Variants in GRIP2 observed in about 807,000 individuals in gnomAD.
The protein encoded by GRIP2 is glutamate receptor-interacting protein 2.
GRIP2 carries 58 observed loss-of-function variants against 108.3 expected under a neutral mutation model. The observed-to-expected ratio is 0.54, with a 90% CI of 0.43 to 0.67. GRIP2 has a LOEUF of 0.67. GRIP2 is among the 30% of genes least tolerant of loss of function. The pLI, the probability that GRIP2 is intolerant of heterozygous loss-of-function variation, is 0.00. For synonymous variants in GRIP2, 586 were observed against 598.2 expected (o/e 0.98, Z 0.30); for missense variants, 1,278 against 1,430.6 (o/e 0.89, Z 1.72).
At chr3:14,533,052 C>G (rs191816725) in intron 1 of GRIP2, among the ~76,000 whole-genome samples, 1 of 152,254 alleles carries the variant, frequency 6.6e-6, no homozygotes, top group Admixed American at 6.5e-5. Context: ...ATTTCCAGGT[C>G]CCCTGGGGTT....
At chr3:14,495,186 G>C (rs1693555007) in intron 22 of GRIP2, among the ~76,000 whole-genome samples, 197 bp from the exon 23 acceptor site, 1 of 149,752 alleles carries the variant, frequency 6.7e-6, no homozygotes, top group South Asian at 2.1e-4. Flanking sequence ...CTCAGCAGAT[G>C]CTCCAGGCCA....
At chr3:14,543,965 C>T (rs1049764861), upstream of GRIP2, among the ~76,000 whole-genome samples, 12 of 152,218 alleles carry the variant, frequency 7.9e-5, no homozygotes, top group Admixed American at 3.9e-4. Flanking sequence ...GGGAAGACCA[C>T]GTATTAATGA....
At position 14,517,875 on chromosome 3, in the gene GRIP2, C is replaced by T; in HGVS notation, c.1053G>A (p.Gln351=). The T allele has an allele frequency of 6.3e-7, 1 of 1,587,270 alleles. No homozygotes were observed. The highest frequency in any genetic ancestry group is 1.8e-5 in the Admixed American group (1 of 56,300). ...SEAVKVQRSE[Q]LHRWDPCVPS... Reference sequence around the variant, plus strand: ...GCACGCAGGGGTCCCAGCGGTGCAGCTGCTCACTCCTCTGCACTTTCACTG... The same window carrying T: ...GCACGCAGGGGTCCCAGCGGTGCAGTTGCTCACTCCTCTGCACTTTCACTG... The change falls in exon 10 of 24, where the codon CAG becomes CAA. Residue 351 remains glutamine, a synonymous_variant. Coordinates refer to ENST00000621039, the MANE Select transcript of GRIP2 (RefSeq NM_001080423.4).
intron 1 of GRIP2, among the ~76,000 whole-genome samples, chr3:14,532,166 C>CCCAG (rs1345796414): frequency 6.6e-6 from 1 of 152,208 alleles, no homozygotes; most frequent in African/African-American, 2.4e-5. Context: ...TGAGACCTGA[C>CCCAG]CCAGCGGCCC....
Position 14,512,648 on chromosome 3 carries a change from C to T in GRIP2, c.1720+129G>A, listed in dbSNP as rs1027315887. ...GTCCACGGAAGCCAGCCTCCCCACA[C>T]CCCCAAGCCTTTTCCTCGGGCCCCG... is the stretch of plus-strand genomic sequence containing the variant. On this transcript the variant is annotated intron_variant, in intron 14 of 23. Transcript: ENST00000621039. This position sits in a 1 kb window ranked among gnomAD's most constrained non-coding sequence, Gnocchi z 5.1. 1.2e-6 allele frequency: 1 copy of T among 827,914 alleles called. No individual in the cohort carries two copies. The highest frequency in any genetic ancestry group is 1.9e-6 in the Non-Finnish European group (1 of 521,068). 51.3% of individuals were successfully genotyped at this position (827,914 alleles called of 1,614,324 possible).
At chr3:14,500,696 C>T (rs1441954497) in intron 21 of GRIP2, among the ~76,000 whole-genome samples, 1 of 152,108 alleles carries the variant, frequency 6.6e-6, no homozygotes, top group Non-Finnish European at 1.5e-5. Flanking sequence ...AAGACATTTT[C>T]AGAACACAGA....
At chr3:14,560,040 G>A (rs1457040926), upstream of GRIP2, among the ~76,000 whole-genome samples, 1 of 152,048 alleles carries the variant, frequency 6.6e-6, no homozygotes, top group Non-Finnish European at 1.5e-5. Context: ...ATCACTTCAG[G>A]CCAGGAGTTC....
At chr3:14,502,761 A>G (rs1693802398) in intron 21 of GRIP2, among the ~76,000 whole-genome samples, 1 of 151,962 alleles carries the variant, frequency 6.6e-6, no homozygotes, top group African/African-American at 2.4e-5. Context: ...TGACTTAAGC[A>G]TAAATAAAGT....
At chr3:14,503,940 G>T (rs1290295072) in intron 20 of GRIP2, 2 of 489,106 alleles carry the variant, frequency 4.1e-6, no homozygotes, top group African/African-American at 3.9e-5. Flanking sequence ...GTGGAGAGCG[G>T]TGACACAGGA....
rs1290819132 is a variant in GRIP2 at position 14,517,809 on chromosome 3, G to A, written c.1119C>T (p.Pro373=). The A allele has an allele frequency of 8.1e-6, 13 of 1,608,108 alleles. No homozygotes were observed. The highest frequency in any genetic ancestry group is 1.1e-5 in the Non-Finnish European group (13 of 1,177,734). Residue 373 remains proline (P), a synonymous_variant, in exon 10 of 24, where the codon CCC becomes CCT. Transcript: ENST00000621039. Reference sequence around the variant, plus strand: ...CCTGGCCAGCAGGTGTGGCCCAGGTGGGCATCCTGCAGTGGCCGGGCCGGG... The same window carrying A: ...CCTGGCCAGCAGGTGTGGCCCAGGTAGGCATCCTGCAGTGGCCGGGCCGGG... ...HSPRPGHCRM[P]TWATPAGQDQ...
chr3:14,534,631 G>A (rs1459582464), intron 1 of GRIP2, among the ~76,000 whole-genome samples: 24 of 151,832 alleles, frequency 1.6e-4, no homozygotes, highest in South Asian at 6.2e-4. Context: ...ATTCATTTCC[G>A]CAGTGGTGCC....
chr3:14,558,112 T>C (rs1297657628), upstream of GRIP2, among the ~76,000 whole-genome samples: 1 of 152,206 alleles, frequency 6.6e-6, no homozygotes, highest in African/African-American at 2.4e-5. Flanking sequence ...AACTATCACA[T>C]CAAATCCTCA....
In GRIP2 at chr3:14,513,795, C is replaced by T; in HGVS notation, c.1509G>A (p.Gln503=). Residue 503 remains glutamine (Q), a synonymous_variant, in exon 13 of 24, where the codon CAG becomes CAA. Transcript: ENST00000621039. ...TGATGGACAGGACACGGTCCCCCAC[C>T]TGCAGCAGCCCACACCTGAACCCAG... is the stretch of plus-strand genomic sequence containing the variant. ...DSPAERCGLL[Q]VGDRVLSING... 1.9e-6 allele frequency: 3 copies of T among 1,612,978 alleles called. No individual in the cohort carries two copies. The highest frequency in any genetic ancestry group is 2.5e-6 in the Non-Finnish European group (3 of 1,179,646).
the GRIP2 span, among the ~76,000 whole-genome samples, chr3:14,602,501 C>T: frequency 2.3e-4 from 35 of 152,150 alleles, no homozygotes; most frequent in African/African-American, 7.7e-4. This position sits in a 1 kb window ranked among gnomAD's most constrained non-coding sequence, Gnocchi z 4.7. Context: ...CGGCCACCTC[C>T]CGACACCCGG....
the GRIP2 span, chr3:14,573,116 G>A: frequency 3.2e-5 from 46 of 1,432,570 alleles, no homozygotes; most frequent in Non-Finnish European, 4.1e-5. Context: ...CAAAGTTGTC[G>A]ATCCAGGGCA....
chr3:14,548,723 C>T (rs914002088), intron 1 of GRIP2, among the ~76,000 whole-genome samples: 1 of 152,230 alleles, frequency 6.6e-6, no homozygotes, highest in Non-Finnish European at 1.5e-5. Flanking sequence ...TGGAATCTTT[C>T]AAGAATCCTA....
At chr3:14,496,589 TGCTTGTTG>T in intron 21 of GRIP2, 29 bp from the exon 22 acceptor site, 1 of 1,583,290 alleles carries the variant, frequency 6.3e-7, no homozygotes, top group Non-Finnish European at 8.6e-7. Flanking sequence ...TTCTTTCAGA[TGCTTGTTG>T]GCTTGCCCCA....
chr3:14,591,716 G>A, the GRIP2 span, among the ~76,000 whole-genome samples: 1 of 152,154 alleles, frequency 6.6e-6, no homozygotes, highest in Non-Finnish European at 1.5e-5. Context: ...CCAACCTCCT[G>A]ATTTCAGAGA....
intron 1 of GRIP2, among the ~76,000 whole-genome samples, chr3:14,538,079 GGCCTGAGAAGGGACCC>G (rs559424847): frequency 9.2e-4 from 140 of 152,298 alleles, no homozygotes; most frequent in African/African-American, 2.7e-3. Context: ...CAGGGTGTGG[GGCCTGAGAAGGGACCC>G]ACCCAGAGTC....
Sources: gnomAD v4.1 joint callset for allele counts (sites outside exome capture counted in the v4.1 genomes callset) on GRCh38, gnomAD v4.1.1 for gene constraint, Gnocchi (gnomAD v3.1) non-coding constraint, MANE v1.5 for transcripts, NCBI Gene and HGNC (gene_info 2026-07-23, HGNC 2026-07-21) for gene names.